Variants in ANK3 observed in about 807,000 individuals in gnomAD.
ANK3 encodes ankyrin 3.
In ANK3, 57 loss-of-function variants were observed where a neutral mutation model predicts 370.9. The ratio of observed to expected loss-of-function variants is 0.15; its 90% CI spans 0.12 to 0.19. The LOEUF (loss-of-function observed/expected upper bound fraction) is 0.19, where lower values mean the gene tolerates loss of function less well. Among genes scored for constraint, ANK3 ranks in the 10% least tolerant of loss-of-function variants. ANK3 has a pLI of 1.00. For synonymous variants in ANK3, 1,929 were observed against 1,946.3 expected, an observed-to-expected ratio of 0.99 and a Z score of 0.23; for missense variants, 4,439 against 5,302.1, an observed-to-expected ratio of 0.84 and a Z score of 5.06.
intron 1 of ANK3, among the ~76,000 whole-genome samples, chr10:60,695,469 C>T (rs1200830873): frequency 1.3e-5 from 2 of 152,152 alleles, no homozygotes; most frequent in South Asian, 2.1e-4. Context: ...CACCACACCA[C>T]ACCTATTCCA....
chr10:60,309,278 A>G (rs1488295906), intron 1 of ANK3, among the ~76,000 whole-genome samples: 2 of 152,244 alleles, frequency 1.3e-5, no homozygotes, highest in Admixed American at 1.3e-4. Context: ...GCCTGAAGAA[A>G]CACAATGATG....
rs532508436 is a variant in ANK3, at chr10:60,612,351, G to T, written c.96+2835C>A. On this transcript the variant is annotated intron_variant, in intron 2 of 43. Coordinates refer to the ANK3 transcript ENST00000373827. ...TGAGGCAGATGAGTATATACCAGAT[G>T]GGTTAAAGGCCAAAAGAGATGCTCC... Among the ~76,000 whole-genome samples the T allele has an allele frequency of 2.0e-4, 30 of 152,214 alleles. 1 individual carries two copies. In the South Asian group the frequency reaches 6.2e-3, roughly 32 times the overall value.
intron 1 of ANK3, among the ~76,000 whole-genome samples, chr10:60,694,963 AAG>A (rs2079422258): frequency 6.7e-6 from 1 of 148,982 alleles, no homozygotes; most frequent in African/African-American, 2.5e-5. Flanking sequence ...AAATTGGATA[AAG>A]AGTCAAGACC....
At chr10:60,193,277 A>C (rs2096527049) in intron 16 of ANK3, among the ~76,000 whole-genome samples, 1 of 152,250 alleles carries the variant, frequency 6.6e-6, no homozygotes, top group Non-Finnish European at 1.5e-5. Flanking sequence ...GATGTTTTGC[A>C]GATAGAGAAC....
At chr10:60,457,659 C>A (rs1387607764) in intron 2 of ANK3, among the ~76,000 whole-genome samples, 2 of 151,970 alleles carry the variant, frequency 1.3e-5, no homozygotes, top group African/African-American at 4.8e-5. Context: ...AAGGATGGAG[C>A]CTCATGGGGA....
At chr10:60,447,514 G>A (rs2064480829) in intron 2 of ANK3, among the ~76,000 whole-genome samples, 1 of 152,102 alleles carries the variant, frequency 6.6e-6, no homozygotes, top group Non-Finnish European at 1.5e-5. Context: ...CTCAGTTCTT[G>A]TCATTGACAT....
chr10:60,556,999 T>A (rs1191598159), intron 2 of ANK3, among the ~76,000 whole-genome samples: 1 of 152,170 alleles, frequency 6.6e-6, no homozygotes, highest in Non-Finnish European at 1.5e-5. Context: ...TGCCTGATGA[T>A]CTGAGGTGGA....
intron 7 of ANK3, among the ~76,000 whole-genome samples, chr10:60,240,175 C>T (rs569115075): frequency 4.5e-5 from 6 of 134,456 alleles, no homozygotes; most frequent in Non-Finnish European, 7.8e-5. Context: ...CATATATATA[C>T]ATATATACAC....
At chr10:60,523,254 T>C (rs1445800052) in intron 2 of ANK3, among the ~76,000 whole-genome samples, 2 of 151,970 alleles carry the variant, frequency 1.3e-5, no homozygotes, top group African/African-American at 4.8e-5. Context: ...TTTATTATTA[T>C]TATACTTTAA....
chr10:60,537,979 T>C (rs2076761778), intron 2 of ANK3, among the ~76,000 whole-genome samples: 1 of 151,982 alleles, frequency 6.6e-6, no homozygotes, highest in African/African-American at 2.4e-5. Flanking sequence ...TGTATTAGTG[T>C]AATGAATAAA....
intron 2 of ANK3, among the ~76,000 whole-genome samples, chr10:60,481,846 A>C (rs944237846): frequency 6.6e-6 from 1 of 152,126 alleles, no homozygotes; most frequent in Non-Finnish European, 1.5e-5. Flanking sequence ...TAGCACAGAC[A>C]CCTAAACATT....
At chr10:60,129,725 C>T (rs2132168047) in intron 25 of ANK3, among the ~76,000 whole-genome samples, 1 of 147,644 alleles carries the variant, frequency 6.8e-6, no homozygotes, top group East Asian at 2.0e-4. Flanking sequence ...TGCACTCCAG[C>T]CTGAGTGATA....
At chr10:60,322,162 A>AT (rs571637513) in intron 1 of ANK3, among the ~76,000 whole-genome samples, 61 of 152,178 alleles carry the variant, frequency 4.0e-4, no homozygotes, top group Admixed American at 1.9e-3. Flanking sequence ...ACAAAGATTC[A>AT]TTTTTTTACA....
chr10:60,079,013 C>T (rs896228554), intron 36 of ANK3, among the ~76,000 whole-genome samples: 8 of 152,230 alleles, frequency 5.3e-5, no homozygotes, highest in East Asian at 3.9e-4. Flanking sequence ...AAGGGGCCTC[C>T]GACCTAAAGC....
intron 2 of ANK3, among the ~76,000 whole-genome samples, chr10:60,438,753 T>C (rs1033252917): frequency 6.6e-6 from 1 of 152,200 alleles, no homozygotes; most frequent in Admixed American, 6.5e-5. Flanking sequence ...TTCTCTATAA[T>C]TTACCATAAG....
chr10:60,449,956 A>G (rs1402337615), intron 2 of ANK3, among the ~76,000 whole-genome samples: 1 of 150,184 alleles, frequency 6.7e-6, no homozygotes, highest in Admixed American at 6.7e-5. Flanking sequence ...GAACCAAAAA[A>G]TTTAGTGGTG....
At chr10:60,115,398 A>G (rs993373189) in intron 25 of ANK3, among the ~76,000 whole-genome samples, 1 of 152,200 alleles carries the variant, frequency 6.6e-6, no homozygotes, top group African/African-American at 2.4e-5. Context: ...TTTATACACC[A>G]TGTCTAGCAT....
At chr10:60,695,634 C>A (rs1227427865) in intron 1 of ANK3, among the ~76,000 whole-genome samples, 2 of 152,170 alleles carry the variant, frequency 1.3e-5, no homozygotes, top group African/African-American at 4.8e-5. Flanking sequence ...AACTGAACAA[C>A]CTGCTCCTGA....
intron 2 of ANK3, among the ~76,000 whole-genome samples, chr10:60,483,100 C>T (rs2075266513): frequency 6.6e-6 from 1 of 152,088 alleles, no homozygotes. Flanking sequence ...TATTTTTTAT[C>T]TGAATAGTGT....
Sources: allele counts gnomAD v4.1 joint callset (sites outside exome capture counted in the v4.1 genomes callset), GRCh38; gene constraint gnomAD v4.1.1; transcripts MANE v1.5; gene names NCBI Gene and HGNC (gene_info 2026-07-23, HGNC 2026-07-21).